The following CLINT1 variants were observed in gnomAD, a reference collection of about 807,000 sequenced individuals.
CLINT1 encodes the protein clathrin interactor 1.
A neutral mutation model predicts 70.4 loss-of-function variants in CLINT1; 15 were observed. The ratio of observed to expected loss-of-function variants is 0.21; its 90% CI spans 0.14 to 0.33. CLINT1 has a LOEUF of 0.33. CLINT1 is among the 10% of genes least tolerant of loss of function. The pLI is 1.00. For synonymous variants in CLINT1, 227 were observed against 254.7 expected (o/e 0.89, Z 1.04); for missense variants, 615 against 778.1 (o/e 0.79, Z 2.49).
intron 5 of CLINT1, 75 bp downstream of exon 5, chr5:157,812,988 G>T: frequency 7.0e-7 from 1 of 1,438,394 alleles, no homozygotes; most frequent in Non-Finnish European, 9.5e-7. Context: ...TTGGTCTTTG[G>T]TATTTCACTG....
chr5:157,794,561 C>T (rs1762011347), intron 9 of CLINT1, among the ~76,000 whole-genome samples: 1 of 152,104 alleles, frequency 6.6e-6, no homozygotes, highest in Non-Finnish European at 1.5e-5. Flanking sequence ...ATAAGCTAAA[C>T]TAAACACAAA....
At chr5:157,813,359 C>T (rs1412545691) in intron 4 of CLINT1, 132 bp from the exon 5 acceptor site, 10 of 829,002 alleles carry the variant, frequency 1.2e-5, no homozygotes, top group Non-Finnish European at 1.8e-5. Flanking sequence ...TAGAAAGGGG[C>T]AAGTTGTGCT....
Position 157,849,266 on chromosome 5 carries a change from A to C in CLINT1, c.41+9664T>G, listed in dbSNP as rs1034136745. Reference sequence around the variant, plus strand: ...AAACTTCAGCAATCCCACAACCCTGATAAGTCAGCAGCCATCAACATGGAG... The same window carrying C: ...AAACTTCAGCAATCCCACAACCCTGCTAAGTCAGCAGCCATCAACATGGAG... On this transcript the variant is annotated intron_variant, in intron 1 of 11. Coordinates refer to ENST00000411809, the MANE Select transcript of CLINT1 (RefSeq NM_014666.4). Among the ~76,000 whole-genome samples, 3 of 152,374 alleles carry C rather than the reference A, an allele frequency of 2.0e-5. No homozygotes were observed. The East Asian group carries it at 5.8e-4, about 29-fold the overall frequency.
In CLINT1 at chr5:157,800,331, C is replaced by A. The variant is rs914694929; in HGVS notation, c.1012+3319G>T. Among the ~76,000 whole-genome samples, 4 of 152,250 alleles carry A rather than the reference C, an allele frequency of 2.6e-5. No homozygotes were observed. In the East Asian group the frequency reaches 7.7e-4, roughly 29 times the overall value. On this transcript the variant is annotated intron_variant, in intron 8 of 11. Coordinates refer to ENST00000411809, the MANE Select transcript of CLINT1 (RefSeq NM_014666.4). ...TGCTTAGCTTTACAGTTTGTGCCCACATTACTTGCATGATGGTACTATTAT... is the reference window on the plus strand; with the variant it reads ...TGCTTAGCTTTACAGTTTGTGCCCAAATTACTTGCATGATGGTACTATTAT...
At chr5:157,836,309 C>A (rs1462399049) in intron 1 of CLINT1, among the ~76,000 whole-genome samples, 1 of 152,146 alleles carries the variant, frequency 6.6e-6, no homozygotes, top group South Asian at 2.1e-4. Context: ...AACTGAGGCA[C>A]AAAGAGGTTA....
At chr5:157,796,450 T>TA (rs1373090210) in intron 8 of CLINT1, among the ~76,000 whole-genome samples, 1 of 152,220 alleles carries the variant, frequency 6.6e-6, no homozygotes. Flanking sequence ...TGTCTGTCCT[T>TA]AAAGATTTCA....
intron 8 of CLINT1, 111 bp downstream of exon 8, chr5:157,803,539 T>TA: frequency 1.5e-6 from 1 of 682,904 alleles, no homozygotes; most frequent in Non-Finnish European, 2.2e-6. Flanking sequence ...TAATTTCATA[T>TA]AAAAAATGAA....
intron 3 of CLINT1, among the ~76,000 whole-genome samples, chr5:157,814,849 A>G (rs1360756570): frequency 6.6e-6 from 1 of 152,086 alleles, no homozygotes; most frequent in Non-Finnish European, 1.5e-5. Context: ...GTTGGGCAAC[A>G]TGGTGAAACC....
At chr5:157,803,954 C>G (rs1417250391) in intron 7 of CLINT1, among the ~76,000 whole-genome samples, 1 of 151,522 alleles carries the variant, frequency 6.6e-6, no homozygotes. Flanking sequence ...TTTTTTCCTA[C>G]CTCACTTTTC....
chr5:157,823,452 T>G (rs1581513053), intron 1 of CLINT1, among the ~76,000 whole-genome samples: 1 of 152,202 alleles, frequency 6.6e-6, no homozygotes, highest in African/African-American at 2.4e-5. Context: ...TCTTGTTTTA[T>G]CAGGTTAATA....
chr5:157,824,256 T>G (rs1443014330), intron 1 of CLINT1, among the ~76,000 whole-genome samples: 1 of 152,236 alleles, frequency 6.6e-6, no homozygotes, highest in East Asian at 1.9e-4. Context: ...CACATTACCC[T>G]TGTTTGCAAG....
intron 5 of CLINT1, 141 bp from the exon 6 acceptor site, chr5:157,809,946 C>A (rs897560049): frequency 8.1e-6 from 6 of 745,312 alleles, no homozygotes; most frequent in African/African-American, 1.8e-5. Flanking sequence ...GCTGAATCAA[C>A]ACAATTACAG....
chr5:157,841,846 G>C (rs1280587658), intron 1 of CLINT1, among the ~76,000 whole-genome samples: 1 of 152,130 alleles, frequency 6.6e-6, no homozygotes. Flanking sequence ...GCCCTGGCTA[G>C]TTTCAAACTT....
intron 3 of CLINT1, among the ~76,000 whole-genome samples, chr5:157,815,249 A>C (rs1762684949): frequency 6.6e-6 from 1 of 151,998 alleles, no homozygotes; most frequent in South Asian, 2.1e-4. Context: ...GCAGTGAGCC[A>C]AGGGCATGCC....
At chr5:157,809,265 T>A (rs1762472408) in intron 6 of CLINT1, 1 of 169,452 alleles carries the variant, frequency 5.9e-6, no homozygotes, top group African/African-American at 2.4e-5. Flanking sequence ...AGGAATATTA[T>A]GCATTTGTCG....
chr5:157,803,631 G>A lies in CLINT1; in HGVS notation c.1012+19C>T. ...AAATGACTCTCAAACCAAAAGAAAA[G>A]GCCAATGTAGAAGCTTACCTGTTGA... On this transcript the variant is annotated intron_variant, in intron 8 of 11. Coordinates refer to ENST00000411809, the MANE Select transcript of CLINT1 (RefSeq NM_014666.4). 7.0e-7 allele frequency: 1 copy of A among 1,434,832 alleles called. No homozygotes were observed. The highest frequency in any genetic ancestry group is 9.3e-7 in the Non-Finnish European group (1 of 1,078,756). The allele number at this position is 1,434,832 out of a possible 1,614,324, so 88.9% of individuals were successfully genotyped here.
In CLINT1 at chr5:157,815,222, C is replaced by T. The variant is rs576970319; in HGVS notation, c.244-929G>A. ...GGTTGAGGCAGGAGGATCTCTTGAG[C>T]CCAGGAGGTCAAGACTGCAGTGAGC... On this transcript the variant is annotated intron_variant, in intron 3 of 11. Coordinates refer to ENST00000411809, the MANE Select transcript of CLINT1 (RefSeq NM_014666.4). 2.6e-5 allele frequency among the ~76,000 whole-genome samples: 4 copies of T among 151,924 alleles called. No individual in the cohort carries two copies. The South Asian group carries it at 8.3e-4, about 32-fold the overall frequency.
intron 1 of CLINT1, among the ~76,000 whole-genome samples, chr5:157,848,348 C>T (rs190015315): frequency 6.6e-6 from 1 of 151,044 alleles, no homozygotes; most frequent in African/African-American, 2.4e-5. Context: ...CCACCCGCCT[C>T]TCCCTCACAA....
intron 10 of CLINT1, 27 bp from the exon 11 acceptor site, chr5:157,789,540 G>A: frequency 6.2e-7 from 1 of 1,613,916 alleles, no homozygotes; most frequent in South Asian, 1.1e-5. Context: ...TTAGGCTTCT[G>A]CAGCACTGTG....
Sources: allele counts gnomAD v4.1 joint callset (sites outside exome capture counted in the v4.1 genomes callset), GRCh38; gene constraint gnomAD v4.1.1; transcripts MANE v1.5; gene names NCBI Gene and HGNC (gene_info 2026-07-23, HGNC 2026-07-21).